Variants in SDK1 observed in about 807,000 individuals in gnomAD.
The protein encoded by SDK1 is protein sidekick-1.
SDK1 carries 157 observed loss-of-function variants against 245.5 expected under a neutral mutation model. The ratio of observed to expected loss-of-function variants is 0.64; its 90% CI spans 0.56 to 0.73. The LOEUF (loss-of-function observed/expected upper bound fraction) is 0.73. Ranked by LOEUF, SDK1 falls within the 30% of genes least tolerant of loss-of-function variation. SDK1 has a pLI of 0.00. For missense variants in SDK1, 3,583 were observed against 3,002.3 expected, an observed-to-expected ratio of 1.19 and a Z score of -4.52; for synonymous variants, 1,647 against 1,278.5, an observed-to-expected ratio of 1.29 and a Z score of -6.15.
In SDK1 at chr7:3,401,003, A is replaced by C. The variant is rs147998691; in HGVS notation, c.298+99119A>C. Reference sequence around the variant, plus strand: ...AAGGGAAGGGACAGCAGCCAGTGCCAGTTCGAGATGAGTAGTCATCTAATA... The same window carrying C: ...AAGGGAAGGGACAGCAGCCAGTGCCCGTTCGAGATGAGTAGTCATCTAATA... On this transcript the variant is annotated intron_variant, in intron 1 of 44. Transcript: ENST00000404826. Among the ~76,000 whole-genome samples the C allele has an allele frequency of 1.8e-4, 27 of 152,288 alleles. No individual in the cohort carries two copies. The East Asian group carries it at 4.6e-3, about 26-fold the overall frequency.
chr7:4,001,158 T>A (rs1724403140), intron 14 of SDK1, among the ~76,000 whole-genome samples: 1 of 152,148 alleles, frequency 6.6e-6, no homozygotes. Context: ...ACAGCGTGGC[T>A]CCCATAGCTT....
Position 3,962,647 on chromosome 7 carries a change from T to C in SDK1, c.1235-10T>C, listed in dbSNP as rs762026722. 6.3e-7 allele frequency: 1 copy of C among 1,591,348 alleles called. No homozygotes were observed. ...TTTTTAAAATCCTATTTATTCCCAT[T>C]CCTACGCAGGGGTCCCCCTTCCCAC... is the stretch of plus-strand genomic sequence containing the variant. On this transcript the variant is annotated splice_polypyrimidine_tract_variant and intron_variant, in intron 8 of 44. Coordinates refer to ENST00000404826, the MANE Select transcript of SDK1 (RefSeq NM_152744.4).
chr7:3,358,564 A>C (rs1780870845), intron 1 of SDK1, among the ~76,000 whole-genome samples: 1 of 152,128 alleles, frequency 6.6e-6, no homozygotes, highest in Non-Finnish European at 1.5e-5. Context: ...TTACAGCATA[A>C]GTTAAGGTAG....
At position 3,619,109 on chromosome 7, in the gene SDK1, C is replaced by G. The variant is rs549248402; in HGVS notation, c.328C>G (p.Pro110Ala). Residue 110 changes from proline to alanine, a missense_variant, in exon 2 of 45, where the codon CCA becomes GCA. By Grantham distance (27) the Pro-to-Ala change is conservative. Coordinates refer to ENST00000404826, the MANE Select transcript of SDK1 (RefSeq NM_152744.4). ...DDVAPYFKTE[P>A]GLPQIHLEGN... is the part of the protein sequence containing the mutation. Reference sequence around the variant, plus strand: ...TGTTGCTCCATATTTTAAAACGGAGCCAGGCCTACCACAGATCCACCTGGA... The same window carrying G: ...TGTTGCTCCATATTTTAAAACGGAGGCAGGCCTACCACAGATCCACCTGGA... 3 of 1,609,284 alleles carry G rather than the reference C, an allele frequency of 1.9e-6. No homozygotes were observed. Among genetic ancestry groups the G allele is most frequent in the Non-Finnish European group, 2.5e-6 (3 of 1,176,558 alleles).
chr7:3,372,602 C>T (rs1241459844), intron 1 of SDK1, among the ~76,000 whole-genome samples: 1 of 152,120 alleles, frequency 6.6e-6, no homozygotes, highest in Non-Finnish European at 1.5e-5. Flanking sequence ...CGTCACTGGG[C>T]CCCCAAAATG....
At chr7:3,608,305 G>T (rs1424934287) in intron 1 of SDK1, among the ~76,000 whole-genome samples, 1 of 152,200 alleles carries the variant, frequency 6.6e-6, no homozygotes, top group Non-Finnish European at 1.5e-5. Flanking sequence ...TCAAGGCAAA[G>T]GATTTGGGAG....
chr7:3,849,847 G>T (rs1169754978), intron 5 of SDK1, among the ~76,000 whole-genome samples: 1 of 152,206 alleles, frequency 6.6e-6, no homozygotes, highest in Non-Finnish European at 1.5e-5. Flanking sequence ...AGCTCACGTG[G>T]AGAGTTTGTG....
At chr7:3,518,197 G>C (rs1435398424) in intron 1 of SDK1, among the ~76,000 whole-genome samples, 2 of 152,010 alleles carry the variant, frequency 1.3e-5, no homozygotes, top group Non-Finnish European at 2.9e-5. Context: ...AATTTATTTT[G>C]TACTATTCTT....
chr7:4,002,748 G>C (rs755117701), intron 14 of SDK1, among the ~76,000 whole-genome samples: 10 of 152,168 alleles, frequency 6.6e-5, no homozygotes, highest in Non-Finnish European at 4.4e-5. Context: ...AAAAAATCTG[G>C]TTGGGAGATG....
chr7:4,094,667 C>T (rs546526561), intron 22 of SDK1, among the ~76,000 whole-genome samples: 4 of 152,156 alleles, frequency 2.6e-5, no homozygotes, highest in African/African-American at 4.8e-5. Context: ...GTTATCAAAC[C>T]GGACTTGTGG....
intron 28 of SDK1, among the ~76,000 whole-genome samples, chr7:4,135,320 G>A (rs626138): frequency 0.087 from 13,178 of 152,218 alleles, 648 homozygotes; most frequent in Middle Eastern, 0.1. Context: ...GAGTTTGTGC[G>A]TCCACTTTGG....
At chr7:3,363,562 G>A (rs1259658203) in intron 1 of SDK1, among the ~76,000 whole-genome samples, 1 of 152,128 alleles carries the variant, frequency 6.6e-6, no homozygotes, top group African/African-American at 2.4e-5. Flanking sequence ...CCAGGGACCG[G>A]TTTCTTCAAA....
At chr7:4,028,895 C>G (rs919657511) in intron 17 of SDK1, among the ~76,000 whole-genome samples, 1 of 152,138 alleles carries the variant, frequency 6.6e-6, no homozygotes, top group Admixed American at 6.5e-5. Flanking sequence ...TTGGACGGAG[C>G]TCTGCAACAC....
intron 5 of SDK1, among the ~76,000 whole-genome samples, chr7:3,871,068 A>G (rs1174356286): frequency 2.0e-5 from 3 of 152,040 alleles, no homozygotes; most frequent in Non-Finnish European, 2.9e-5. Flanking sequence ...CGGTCATCTG[A>G]TCTTTTTCAT....
chr7:3,411,479 C>CT (rs1779198764), intron 1 of SDK1, among the ~76,000 whole-genome samples: 1 of 151,744 alleles, frequency 6.6e-6, no homozygotes, highest in African/African-American at 2.4e-5. Context: ...CTTTCTCTCC[C>CT]TTTTTCAGTT....
chr7:3,372,333 C>G (rs546294449), intron 1 of SDK1, among the ~76,000 whole-genome samples: 1 of 152,246 alleles, frequency 6.6e-6, no homozygotes, highest in Admixed American at 6.5e-5. Context: ...TTGGGTCATC[C>G]AACAGAAAAT....
chr7:4,016,050 G>C (rs754649694), intron 16 of SDK1, among the ~76,000 whole-genome samples: 8 of 152,158 alleles, frequency 5.3e-5, no homozygotes, highest in Non-Finnish European at 1.2e-4. Context: ...CTCTGCTTCG[G>C]TGTCAGCAGC....
chr7:3,611,787 C>T (rs6961261), intron 1 of SDK1, among the ~76,000 whole-genome samples: 20 of 151,876 alleles, frequency 1.3e-4, no homozygotes, highest in Non-Finnish European at 1.5e-5. Context: ...TGCCTCCTTA[C>T]TCCGGCAAAA....
chr7:3,620,568 G>C (rs1781906507), intron 2 of SDK1, among the ~76,000 whole-genome samples: 1 of 152,186 alleles, frequency 6.6e-6, no homozygotes, highest in African/African-American at 2.4e-5. Flanking sequence ...CTGCCAGATT[G>C]CTGGGATTAC....
Sources: allele counts gnomAD v4.1 joint callset (sites outside exome capture counted in the v4.1 genomes callset), GRCh38; gene constraint gnomAD v4.1.1; transcripts MANE v1.5; gene names NCBI Gene and HGNC (gene_info 2026-07-23, HGNC 2026-07-21).